GRIK1: variants seen among roughly 807,000 people sequenced by gnomAD.
The protein encoded by GRIK1 is glutamate receptor ionotropic, kainate 1.
GRIK1 carries 69 observed loss-of-function variants against 105.7 expected under a neutral mutation model. The observed-to-expected ratio is 0.65, with a 90% CI of 0.54 to 0.80. The LOEUF (loss-of-function observed/expected upper bound fraction) is 0.80, where lower values mean the gene tolerates loss of function less well. Among genes scored for constraint, GRIK1 ranks in the 30% least tolerant of loss-of-function variants. The pLI is 0.00. For synonymous variants in GRIK1, 438 were observed against 431.3 expected, an observed-to-expected ratio of 1.02 and a Z score of -0.19; for missense variants, 1,109 against 1,167.3, an observed-to-expected ratio of 0.95 and a Z score of 0.73.
chr21:29,859,281 C>G (rs1463956718), intron 1 of GRIK1, among the ~76,000 whole-genome samples: 1 of 151,678 alleles, frequency 6.6e-6, no homozygotes, highest in Non-Finnish European at 1.5e-5. Flanking sequence ...TTAATGGATG[C>G]AGCACACCAA....
intron 7 of GRIK1, among the ~76,000 whole-genome samples, chr21:29,618,374 G>A (rs2061900657): frequency 1.3e-5 from 2 of 152,158 alleles, no homozygotes; most frequent in African/African-American, 4.8e-5. Context: ...TGGTGGTGTG[G>A]ATGCAATGTA....
chr21:29,661,203 A>T (rs2062955276), intron 4 of GRIK1, among the ~76,000 whole-genome samples: 1 of 152,238 alleles, frequency 6.6e-6, no homozygotes, highest in Non-Finnish European at 1.5e-5. Context: ...TATACAGAAA[A>T]TAGCATTTGA....
chr21:29,606,346 A>G (rs2061615821), intron 7 of GRIK1, among the ~76,000 whole-genome samples: 1 of 152,138 alleles, frequency 6.6e-6, no homozygotes. Flanking sequence ...TTACACAGGT[A>G]AACGTGTGGT....
chr21:29,661,790 C>T (rs1050907494), intron 4 of GRIK1, among the ~76,000 whole-genome samples: 12 of 152,132 alleles, frequency 7.9e-5, no homozygotes, highest in Non-Finnish European at 7.4e-5. Flanking sequence ...GCTTTGGTAA[C>T]GTCAAAAACA....
chr21:29,730,638 C>A (rs1403217472), intron 1 of GRIK1, among the ~76,000 whole-genome samples: 1 of 152,128 alleles, frequency 6.6e-6, no homozygotes. Flanking sequence ...CCTCTAATTT[C>A]TTCTAGTTTT....
At chr21:29,873,811 G>A (rs1470785664) in intron 1 of GRIK1, among the ~76,000 whole-genome samples, 8 of 152,322 alleles carry the variant, frequency 5.3e-5, no homozygotes, top group Non-Finnish European at 7.3e-5. Flanking sequence ...TAAAATCTGC[G>A]TTTTAGGACA....
chr21:29,616,252 G>A (rs2061848531), intron 7 of GRIK1, among the ~76,000 whole-genome samples: 1 of 152,160 alleles, frequency 6.6e-6, no homozygotes. Context: ...ACAGGAGACT[G>A]ACTGAACCCA....
chr21:29,854,174 C>T (rs1403027472), intron 1 of GRIK1, among the ~76,000 whole-genome samples: 1 of 152,078 alleles, frequency 6.6e-6, no homozygotes, highest in Non-Finnish European at 1.5e-5. Context: ...GGAAGGGGAG[C>T]TGCATCACAT....
intron 4 of GRIK1, among the ~76,000 whole-genome samples, chr21:29,656,293 G>A (rs1276220780): frequency 1.0e-4 from 14 of 139,004 alleles, no homozygotes; most frequent in Admixed American, 4.6e-4. Context: ...ACCCGGGGGC[G>A]GAGCTTACAG....
At chr21:29,786,042 T>G (rs2066251495) in intron 1 of GRIK1, among the ~76,000 whole-genome samples, 1 of 152,180 alleles carries the variant, frequency 6.6e-6, no homozygotes, top group South Asian at 2.1e-4. Context: ...CAGGCTGGAG[T>G]GCAGTGGCGA....
chr21:29,931,474 T>C (rs1007725893), intron 1 of GRIK1, among the ~76,000 whole-genome samples: 1 of 152,184 alleles, frequency 6.6e-6, no homozygotes, highest in Non-Finnish European at 1.5e-5. Flanking sequence ...GCGTGAATAC[T>C]AGCAGCATAA....
Position 29,934,201 on chromosome 21 carries a change from A to G in GRIK1, c.118+5182T>C, listed in dbSNP as rs142767881. ...TTGATTGCATTATTTGAACCCTTTC[A>G]AAAGAGAAATTCTGGAGAGTCCACT... On this transcript the variant is annotated intron_variant, in intron 1 of 17. Transcript: ENST00000327783. Among the ~76,000 whole-genome samples, 473 of 152,328 alleles carry G rather than the reference A, an allele frequency of 3.1e-3. 1 individual carries two copies. Among genetic ancestry groups the G allele is most frequent in the African/African-American group, 0.011 (458 of 41,576 alleles).
chr21:29,888,978 T>C (rs1601951206), intron 1 of GRIK1, among the ~76,000 whole-genome samples: 1 of 152,322 alleles, frequency 6.6e-6, no homozygotes, highest in East Asian at 1.9e-4. Context: ...TGAAATCTTC[T>C]GCACCAAATC....
chr21:29,821,596 C>T (rs955089588), intron 1 of GRIK1, among the ~76,000 whole-genome samples: 4 of 151,946 alleles, frequency 2.6e-5, no homozygotes, highest in Admixed American at 2.0e-4. Flanking sequence ...ATGTTTTAAG[C>T]AGATATTCGT....
At chr21:29,554,980 C>T (rs1002963482) in intron 16 of GRIK1, 72 bp downstream of exon 16, 2 of 1,314,794 alleles carry the variant, frequency 1.5e-6, no homozygotes, top group African/African-American at 2.9e-5. Flanking sequence ...AGCAAACATC[C>T]TTAAAAACCC....
intron 8 of GRIK1, among the ~76,000 whole-genome samples, chr21:29,598,188 A>G (rs1275509524): frequency 6.6e-6 from 1 of 152,216 alleles, no homozygotes; most frequent in Non-Finnish European, 1.5e-5. Context: ...TTTTATCATT[A>G]TTATTTAACC....
intron 12 of GRIK1, among the ~76,000 whole-genome samples, chr21:29,583,808 C>T (rs1234331569): frequency 1.3e-5 from 2 of 152,134 alleles, no homozygotes; most frequent in Non-Finnish European, 2.9e-5. Context: ...ATAGACCTAC[C>T]TGTTGCCTGG....
intron 1 of GRIK1, among the ~76,000 whole-genome samples, chr21:29,829,364 C>T (rs1292741915): frequency 6.6e-6 from 1 of 152,158 alleles, no homozygotes; most frequent in East Asian, 1.9e-4. Flanking sequence ...TGGACGTCTT[C>T]ATAACATGAA....
In GRIK1 at chr21:29,571,522, C is replaced by A. The variant is rs149727527; in HGVS notation, c.2130+5442G>T. 1.3e-4 allele frequency among the ~76,000 whole-genome samples: 20 copies of A among 152,234 alleles called. No homozygotes were observed. The East Asian group carries it at 3.9e-3, about 29-fold the overall frequency. ...AAAATGTAGAGTGTCATGCTGTCTG[C>A]AAGAATAGCCAAGTCTAGGAGAAAA... On this transcript the variant is annotated intron_variant, in intron 14 of 17. Coordinates refer to ENST00000327783, the MANE Select transcript of GRIK1 (RefSeq NM_001330994.2).
Sources: allele counts gnomAD v4.1 joint callset (sites outside exome capture counted in the v4.1 genomes callset), GRCh38; gene constraint gnomAD v4.1.1; transcripts MANE v1.5; gene names NCBI Gene and HGNC (gene_info 2026-07-23, HGNC 2026-07-21).